CLVS1: variants seen among roughly 807,000 people sequenced by gnomAD.
CLVS1 encodes the protein clavesin-1.
CLVS1 carries 10 observed loss-of-function variants against 33.1 expected under a neutral mutation model. The ratio of observed to expected loss-of-function variants is 0.30; its 90% confidence interval spans 0.19 to 0.51. The LOEUF is 0.51. Ranked by LOEUF, CLVS1 falls within the 20% of genes least tolerant of loss-of-function variation. CLVS1 has a pLI of 0.97. For synonymous variants in CLVS1, 163 were observed against 166.1 expected, an observed-to-expected ratio of 0.98 and a Z score of 0.14; for missense variants, 343 against 433.4, an observed-to-expected ratio of 0.79 and a Z score of 1.85.
At chr8:61,141,356 T>C (rs1393699883) in intron 2 of CLVS1, among the ~76,000 whole-genome samples, 1 of 152,212 alleles carries the variant, frequency 6.6e-6, no homozygotes, top group Non-Finnish European at 1.5e-5. Context: ...AGTTACAGCA[T>C]TTGGCAAATG....
At chr8:61,081,483 C>A (rs1805019252) in intron 1 of CLVS1, among the ~76,000 whole-genome samples, 1 of 152,176 alleles carries the variant, frequency 6.6e-6, no homozygotes, top group South Asian at 2.1e-4. Context: ...CCACCTCTGA[C>A]TGATTCAGTT....
intron 5 of CLVS1, among the ~76,000 whole-genome samples, chr8:61,461,202 C>T (rs1817353635): frequency 6.6e-6 from 1 of 152,174 alleles, no homozygotes; most frequent in African/African-American, 2.4e-5. Flanking sequence ...CTGAGGGCTT[C>T]ACCATCAACA....
At chr8:61,385,912 C>A (rs1399615345) in intron 3 of CLVS1, among the ~76,000 whole-genome samples, 1 of 152,234 alleles carries the variant, frequency 6.6e-6, no homozygotes, top group African/African-American at 2.4e-5. Context: ...CCAAAAGATG[C>A]CAGGCAATGA....
At chr8:61,340,251 A>G (rs769164578) in intron 2 of CLVS1, among the ~76,000 whole-genome samples, 1 of 152,218 alleles carries the variant, frequency 6.6e-6, no homozygotes, top group Non-Finnish European at 1.5e-5. Flanking sequence ...TATACAATAC[A>G]TTGTTACTAA....
chr8:61,292,054 T>TC (rs1295990053), intron 1 of CLVS1: 2 of 264,282 alleles, frequency 7.6e-6, no homozygotes, highest in Non-Finnish European at 1.5e-5. Flanking sequence ...ACTAACAAGG[T>TC]CCTGGGTTCT....
chr8:61,202,345 C>T, intron 2 of CLVS1: 2 of 731,564 alleles, frequency 2.7e-6, no homozygotes, highest in Non-Finnish European at 5.0e-6. Context: ...TGCGTGCTGC[C>T]TCCCGATGGA....
chr8:61,474,664 CCTGAGTGGAGGAAGTTGTTG>C (rs1817848353), intron 5 of CLVS1, among the ~76,000 whole-genome samples: 1 of 152,122 alleles, frequency 6.6e-6, no homozygotes, highest in South Asian at 2.1e-4. Flanking sequence ...GGACCCCGAG[CCTGAGTGGAGGAAGTTGTTG>C]CTTTTCTAAG....
intron 1 of CLVS1, among the ~76,000 whole-genome samples, chr8:61,111,309 G>A (rs1439947009): frequency 6.6e-6 from 1 of 152,096 alleles, no homozygotes; most frequent in Non-Finnish European, 1.5e-5. Flanking sequence ...ACAGTTGATT[G>A]CAAAAACAAG....
chr8:61,465,847 A>G (rs7000970), intron 5 of CLVS1: 34,604 of 152,132 alleles, frequency 0.23, 6,371 homozygotes, highest in African/African-American at 0.51. Flanking sequence ...TATTTTTAAT[A>G]GAGACAGGGT....
At chr8:61,447,985 C>T (rs527303618) in intron 3 of CLVS1, among the ~76,000 whole-genome samples, 1 of 152,184 alleles carries the variant, frequency 6.6e-6, no homozygotes, top group South Asian at 2.1e-4. Context: ...CTGAGAATTT[C>T]TTGATTTCTC....
At chr8:61,399,033 A>G (rs1814646832) in intron 3 of CLVS1, among the ~76,000 whole-genome samples, 1 of 152,172 alleles carries the variant, frequency 6.6e-6, no homozygotes, top group African/African-American at 2.4e-5. Flanking sequence ...TATCTTTATA[A>G]TACAATGATT....
the CLVS1 span, among the ~76,000 whole-genome samples, chr8:61,016,411 G>C: frequency 0.17 from 25,556 of 152,192 alleles, 2,387 homozygotes; most frequent in East Asian, 0.3. Flanking sequence ...TATCTTGGGT[G>C]GGGGAGCAGC....
intron 5 of CLVS1, among the ~76,000 whole-genome samples, chr8:61,477,262 T>C (rs1563570852): frequency 6.6e-6 from 1 of 152,210 alleles, no homozygotes; most frequent in Non-Finnish European, 1.5e-5. Context: ...AATTCTCTTT[T>C]TTTTTGTTGT....
intron 2 of CLVS1, among the ~76,000 whole-genome samples, chr8:61,358,726 G>A (rs1165646211): frequency 6.6e-6 from 1 of 152,162 alleles, no homozygotes; most frequent in Non-Finnish European, 1.5e-5. Flanking sequence ...TAGAGAAAGA[G>A]CAATAGAATG....
chr8:61,354,875 G>C (rs1812625772), intron 2 of CLVS1, among the ~76,000 whole-genome samples: 1 of 152,168 alleles, frequency 6.6e-6, no homozygotes, highest in Non-Finnish European at 1.5e-5. Flanking sequence ...GGATGGATCT[G>C]TTTAGTATCT....
At chr8:61,038,148 T>C in the CLVS1 span, among the ~76,000 whole-genome samples, 1 of 152,148 alleles carries the variant, frequency 6.6e-6, no homozygotes, top group Non-Finnish European at 1.5e-5. Flanking sequence ...AGCTCAGTCT[T>C]GGTTTATGAA....
chr8:61,239,625 A>G (rs542943266), intron 2 of CLVS1, among the ~76,000 whole-genome samples: 6 of 152,038 alleles, frequency 3.9e-5, no homozygotes, highest in Non-Finnish European at 8.8e-5. Flanking sequence ...AGTCCCAGCT[A>G]CTTGGGAGGC....
intron 3 of CLVS1, among the ~76,000 whole-genome samples, chr8:61,406,422 A>G (rs574337630): frequency 7.0e-4 from 107 of 152,334 alleles, no homozygotes; most frequent in African/African-American, 2.5e-3. Context: ...AAACTAATTC[A>G]CTACATAGGC....
chr8:61,124,691 G>C (rs899494710), intron 1 of CLVS1, among the ~76,000 whole-genome samples: 2 of 152,204 alleles, frequency 1.3e-5, no homozygotes, highest in African/African-American at 4.8e-5. Flanking sequence ...GGAGATGGCA[G>C]TGCATCCATC....
Sources: allele counts gnomAD v4.1 joint callset (sites outside exome capture counted in the v4.1 genomes callset), GRCh38; gene constraint gnomAD v4.1.1; transcripts MANE v1.5; gene names NCBI Gene and HGNC (gene_info 2026-07-23, HGNC 2026-07-21).